NQO1: variants seen among roughly 807,000 people sequenced by gnomAD.
NQO1 encodes NAD(P)H quinone dehydrogenase 1, also known as NAD(P)H dehydrogenase [quinone] 1.
In NQO1, 30 loss-of-function variants were observed where a neutral mutation model predicts 32.1. That is an observed-to-expected ratio of 0.94 (90% CI 0.70 to 1.27). The LOEUF (loss-of-function observed/expected upper bound fraction) is 1.27. Among genes scored for constraint, NQO1 ranks in the 50% most tolerant of loss-of-function variants. NQO1 has a pLI of 0.00. For missense variants in NQO1, 276 were observed against 331.3 expected (o/e 0.83, Z 1.30); for synonymous variants, 109 against 119.7 (o/e 0.91, Z 0.59).
chr16:69,712,620 T>G (rs2038055786), intron 5 of NQO1, among the ~76,000 whole-genome samples: 1 of 152,256 alleles, frequency 6.6e-6, no homozygotes. Flanking sequence ...TGCTTTCATC[T>G]TCACAACTCA....
chr16:69,724,805 A>G (rs902143999), intron 1 of NQO1, among the ~76,000 whole-genome samples: 2 of 152,200 alleles, frequency 1.3e-5, no homozygotes, highest in African/African-American at 4.8e-5. Flanking sequence ...ACATGAGTGC[A>G]AATCAGATGC....
rs142415906 is a variant in NQO1 at position 69,723,762 on chromosome 16, A to G, written c.7+2671T>C. Among the ~76,000 whole-genome samples the G allele has an allele frequency of 1.9e-3, 283 of 152,290 alleles. 2 individuals carry two copies. The highest frequency in any genetic ancestry group is 6.4e-3 in the African/African-American group (266 of 41,552). ...GGTTGCAATGAGCCGAGATCGCACC[A>G]TTGCACTCCAGCCTGCGCAACAGAG... On this transcript the variant is annotated intron_variant, in intron 1 of 5. Transcript: ENST00000320623.
At chr16:69,724,438 C>T (rs1047552596) in intron 1 of NQO1, among the ~76,000 whole-genome samples, 8 of 151,924 alleles carry the variant, frequency 5.3e-5, no homozygotes, top group South Asian at 2.1e-4. Context: ...GCAGTCCTCC[C>T]GCCTCAGCCT....
chr16:69,716,803 T>C (rs2038119008), intron 3 of NQO1, among the ~76,000 whole-genome samples: 1 of 151,984 alleles, frequency 6.6e-6, no homozygotes, highest in South Asian at 2.1e-4. Context: ...ATTAAAAAAT[T>C]AGCAGGGCAT....
chr16:69,719,867 A>G (rs2038166793), intron 1 of NQO1, among the ~76,000 whole-genome samples: 1 of 152,064 alleles, frequency 6.6e-6, no homozygotes, highest in African/African-American at 2.4e-5. Context: ...TAATCCAGCT[A>G]CTTGGAAGGC....
chr16:69,711,199 C>G lies in NQO1; in HGVS notation c.602G>C (p.Arg201Pro). 1 of 1,614,146 alleles carries G rather than the reference C, an allele frequency of 6.2e-7. No individual in the cohort carries two copies. The highest frequency in any genetic ancestry group is 8.5e-7 in the Non-Finnish European group (1 of 1,180,028). ...CTTCCATCCTTCCAGGATTTGAATT[C>G]GGGCGTCTGCTGGAGTGTGCCCAAT... is the stretch of plus-strand genomic sequence containing the variant. Reference protein sequence around the residue: ...YSIGHTPADARIQILEGWKKR... With the variant: ...YSIGHTPADAPIQILEGWKKR... Residue 201 changes from arginine (R) to proline (P), a missense_variant, in exon 6 of 6, where the codon CGA becomes CCA. Coordinates refer to ENST00000320623, the MANE Select transcript of NQO1 (RefSeq NM_000903.3).
intron 3 of NQO1, 35 bp from the exon 4 acceptor site, chr16:69,715,112 G>GACCAA: frequency 6.5e-7 from 1 of 1,549,362 alleles, no homozygotes; most frequent in Non-Finnish European, 8.9e-7. Context: ...GGTAAGACCA[G>GACCAA]GGGCTCCCCA....
At position 69,718,477 on chromosome 16, in the gene NQO1, A is replaced by G. The variant is rs1230072240; in HGVS notation, c.65T>C (p.Met22Thr). ...HSERTSFNYAMKEAAAAALKK... is the reference protein window; with the variant it reads ...HSERTSFNYATKEAAAAALKK... ...CAAAGCCGCTGCAGCAGCCTCCTTC[A>G]TGGCATAGTTGAAGGACGTCCTCTC... is the stretch of plus-strand genomic sequence containing the variant. Residue 22 changes from methionine (M) to threonine (T), a missense_variant, in exon 2 of 6, where the codon ATG becomes ACG. Met to Thr is a moderately conservative substitution (Grantham distance 81, BLOSUM62 -1). Coordinates refer to ENST00000320623, the MANE Select transcript of NQO1 (RefSeq NM_000903.3). The G allele has an allele frequency of 1.9e-6, 3 of 1,614,032 alleles. No homozygotes were observed. Among genetic ancestry groups the G allele is most frequent in the Non-Finnish European group, 2.5e-6 (3 of 1,180,050 alleles).
At position 69,714,994 on chromosome 16, in the gene NQO1, G is replaced by A. The variant is rs368004954; in HGVS notation, c.387C>T (p.Tyr129=). 223 of 1,613,522 alleles carry A rather than the reference G, an allele frequency of 1.4e-4. No homozygotes were observed. Among genetic ancestry groups the A allele is most frequent in the Middle Eastern group, 1.2e-3 (7 of 6,082 alleles). Residue 129 remains tyrosine (Y), a synonymous_variant, in exon 4 of 6, where the codon TAC becomes TAT. Coordinates refer to ENST00000320623, the MANE Select transcript of NQO1 (RefSeq NM_000903.3). ...RVFIGEFAYT[Y]AAMYDKGPFR... ...AGGGTCCTTTGTCATACATGGCAGC[G>A]TAAGTGTAAGCAAACTCTCCTATGA... is the stretch of plus-strand genomic sequence containing the variant.
chr16:69,726,376 A>G (rs1387574970), intron 1 of NQO1, 57 bp downstream of exon 1: 18 of 1,606,934 alleles, frequency 1.1e-5, no homozygotes, highest in Non-Finnish European at 1.5e-5. Context: ...AACCTCCTCC[A>G]CAGGCACCAG....
At chr16:69,714,120 G>A (rs889979000) in intron 4 of NQO1, among the ~76,000 whole-genome samples, 4 of 150,580 alleles carry the variant, frequency 2.7e-5, no homozygotes, top group Admixed American at 1.3e-4. Context: ...CTTGTGATCC[G>A]CCTGCCTCGG....
At chr16:69,720,902 A>G (rs2038180242) in intron 1 of NQO1, among the ~76,000 whole-genome samples, 2 of 143,080 alleles carry the variant, frequency 1.4e-5, no homozygotes, top group Non-Finnish European at 3.1e-5. Context: ...TCTTTCTGAG[A>G]CAGGGTCTCG....
At position 69,711,180 on chromosome 16, in the gene NQO1, T is replaced by G; in HGVS notation, c.621A>C (p.Gly207=). ...PADARIQILE[G]WKKRLENIWD... ...AAATATTCTCCAGGCGTTTCTTCCA[T>G]CCTTCCAGGATTTGAATTCGGGCGT... Residue 207 remains glycine, a synonymous_variant, in exon 6 of 6, where the codon GGA becomes GGC. Transcript: ENST00000320623. 6.2e-7 allele frequency: 1 copy of G among 1,614,204 alleles called. No homozygotes were observed. Among genetic ancestry groups the G allele is most frequent in the Middle Eastern group, 1.7e-4 (1 of 6,060 alleles).
intron 5 of NQO1, among the ~76,000 whole-genome samples, chr16:69,711,549 G>A (rs59540315): frequency 6.6e-6 from 1 of 152,010 alleles, no homozygotes; most frequent in Non-Finnish European, 1.5e-5. Context: ...TGGAAGTTCT[G>A]TTACTTTAGG....
At chr16:69,725,825 G>A (rs914909582) in intron 1 of NQO1, among the ~76,000 whole-genome samples, 2 of 152,250 alleles carry the variant, frequency 1.3e-5, no homozygotes, top group African/African-American at 4.8e-5. Context: ...GCTGAGCTGA[G>A]ATAGCGCCAT....
intron 5 of NQO1, among the ~76,000 whole-genome samples, chr16:69,711,654 CTTT>C (rs903633662): frequency 1.2e-4 from 16 of 136,678 alleles, no homozygotes; most frequent in Admixed American, 1.5e-4. Flanking sequence ...TTTTCTTTTT[CTTT>C]TTTTTTTTTT....
At chr16:69,716,179 T>TC (rs2038109812) in intron 3 of NQO1, among the ~76,000 whole-genome samples, 1 of 136,298 alleles carries the variant, frequency 7.3e-6, no homozygotes, top group Admixed American at 7.7e-5. Context: ...ATAATAATAA[T>TC]AATAATAATA....
chr16:69,718,766 G>A (rs925768938), intron 1 of NQO1, among the ~76,000 whole-genome samples: 4 of 152,166 alleles, frequency 2.6e-5, no homozygotes, highest in Admixed American at 2.6e-4. Flanking sequence ...TGGGCTCTGT[G>A]GCTCATAACT....
At position 69,726,396 on chromosome 16, in the gene NQO1, G is replaced by A. The variant is rs755793438; in HGVS notation, c.7+37C>T. 1.2e-6 allele frequency: 2 copies of A among 1,611,220 alleles called. 1 individual carries two copies. The highest frequency in any genetic ancestry group is 2.2e-5 in the South Asian group (2 of 90,924). On this transcript the variant is annotated intron_variant, in intron 1 of 5. Coordinates refer to ENST00000320623, the MANE Select transcript of NQO1 (RefSeq NM_000903.3). Reference sequence around the variant, plus strand: ...CCTCCACAGGCACCAGTGCTCGAGAGACGACCGCCAAGCACCCCGCCCTTT... The same window carrying A: ...CCTCCACAGGCACCAGTGCTCGAGAAACGACCGCCAAGCACCCCGCCCTTT...
Sources: gnomAD v4.1 joint callset for allele counts (sites outside exome capture counted in the v4.1 genomes callset) on GRCh38, gnomAD v4.1.1 for gene constraint, MANE v1.5 for transcripts, NCBI Gene and HGNC (gene_info 2026-07-23, HGNC 2026-07-21) for gene names.